Variants in DHX34 observed in about 807,000 individuals in gnomAD.
DHX34 encodes DExH-box helicase 34, also known as probable ATP-dependent RNA helicase DHX34.
In DHX34, 96 loss-of-function variants were observed where a neutral mutation model predicts 111.1. That is an observed-to-expected ratio of 0.86 (90% CI 0.73 to 1.02). DHX34 has a LOEUF of 1.02. Ranked by LOEUF, DHX34 falls within the 50% of genes least tolerant of loss-of-function variation. The pLI is 0.00. For synonymous variants in DHX34, 688 were observed against 670.4 expected (o/e 1.03, Z -0.41); for missense variants, 1,560 against 1,579.9 (o/e 0.99, Z 0.21).
At chr19:47,380,166 T>G (rs1393132393) in intron 14 of DHX34, among the ~76,000 whole-genome samples, 181 bp downstream of exon 14, 3 of 152,186 alleles carry the variant, frequency 2.0e-5, no homozygotes, top group Non-Finnish European at 4.4e-5. Context: ...GGAGCTAGGA[T>G]TTGATCCCAG....
At position 47,376,046 on chromosome 19, in the gene DHX34, A is replaced by G. The variant is rs2122346555; in HGVS notation, c.2430A>G (p.Pro810=). 2 of 1,595,092 alleles carry G rather than the reference A, an allele frequency of 1.3e-6. No homozygotes were observed. The highest frequency in any genetic ancestry group is 1.7e-6 in the Non-Finnish European group (2 of 1,171,024). ...LKLVLGRGLY[P]QLAVPDAFNS... Reference sequence around the variant, plus strand: ...TGGTGCTGGGCCGGGGCCTGTACCCACAGCTGGCCGTCCCCGACGCCTTCA... The same window carrying G: ...TGGTGCTGGGCCGGGGCCTGTACCCGCAGCTGGCCGTCCCCGACGCCTTCA... Residue 810 remains proline, a synonymous_variant, in exon 11 of 17, where the codon CCA becomes CCG. Transcript: ENST00000328771.
In DHX34 at chr19:47,362,687, G is replaced by A. The variant is rs778413774; in HGVS notation, c.1587G>A (p.Val529=). 1.2e-6 allele frequency: 2 copies of A among 1,611,298 alleles called. No homozygotes were observed. The highest frequency in any genetic ancestry group is 2.7e-5 in the African/African-American group (2 of 74,824). ...GGAGGGTGGCCCTGGACTCGTTGGT[G>A]CTGCAGGTGAGGCATGGGCAGAAAG... ...EIRRVALDSL[V]LQMKSMSVGD... is the part of the protein sequence containing the mutation. Residue 529 remains valine, a synonymous_variant, in exon 6 of 17, where the codon GTG becomes GTA. Coordinates refer to ENST00000328771, the MANE Select transcript of DHX34 (RefSeq NM_014681.6).
chr19:47,358,271 C>T (rs1599756535), intron 4 of DHX34, 151 bp downstream of exon 4: 3 of 1,415,982 alleles, frequency 2.1e-6, no homozygotes, highest in African/African-American at 1.4e-5. Flanking sequence ...AGGCTGCGAA[C>T]CCAGGTAGTC....
chr19:47,360,067 T>G lies in DHX34; in HGVS notation c.1372T>G (p.Ser458Ala). 6.2e-7 allele frequency: 1 copy of G among 1,613,970 alleles called. No homozygotes were observed. Among genetic ancestry groups the G allele is most frequent in the African/African-American group, 1.3e-5 (1 of 75,002 alleles). ...TIDGIRFVVD[S>A]GKVKEMSYDP... ...TGACGGGATCCGCTTCGTAGTAGAT[T>G]CCGGTAAGGACCACCATGAGCCCCT... The change falls in exon 5 of 17, where the codon TCC becomes GCC. Residue 458 changes from serine to alanine, a missense_variant. Ser to Ala is a moderately conservative substitution (Grantham distance 99, BLOSUM62 1). Coordinates refer to ENST00000328771, the MANE Select transcript of DHX34 (RefSeq NM_014681.6).
At chr19:47,368,639 TACACACACAC>T (rs533434183) in intron 7 of DHX34, among the ~76,000 whole-genome samples, 2,435 of 145,742 alleles carry the variant, frequency 0.017, 31 homozygotes, top group South Asian at 0.035. Flanking sequence ...TGTATATATA[TACACACACAC>T]ACACACACAC....
At position 47,379,869 on chromosome 19, in the gene DHX34, C is replaced by T. The variant is rs151213663; in HGVS notation, c.2866C>T (p.Arg956Trp). 4.9e-3 allele frequency: 7,868 copies of T among 1,613,534 alleles called. 25 individuals are homozygous for T. The highest frequency in any genetic ancestry group is 5.6e-3 in the Middle Eastern group (34 of 6,024). Residue 956 changes from arginine (R) to tryptophan (W), a missense_variant, in exon 14 of 17, where the codon CGG becomes TGG. Transcript: ENST00000328771. Reference sequence around the variant, plus strand: ...TGCCCGCTGGGAAAGTGCCCTGGACCGGCAGCTGGCGCACCAGGCCCAGCA... The same window carrying T: ...TGCCCGCTGGGAAAGTGCCCTGGACTGGCAGCTGGCGCACCAGGCCCAGCA... ...LRARWESALDRQLAHQAQQQL... is the reference protein window; with the variant it reads ...LRARWESALDWQLAHQAQQQL...
intron 12 of DHX34, chr19:47,376,813 C>T (rs1463846476): frequency 4.1e-5 from 62 of 1,518,300 alleles, no homozygotes; most frequent in South Asian, 2.5e-5. Flanking sequence ...GAGTGAGCAC[C>T]GGTCAGGGGG....
At chr19:47,361,606 C>G (rs1406886106) in intron 5 of DHX34, among the ~76,000 whole-genome samples, 7 of 151,914 alleles carry the variant, frequency 4.6e-5, no homozygotes, top group Non-Finnish European at 1.0e-4. Context: ...TGGTGAAACC[C>G]CATCTCTACT....
At chr19:47,377,859 G>A (rs973926161) in intron 13 of DHX34, among the ~76,000 whole-genome samples, 3 of 152,024 alleles carry the variant, frequency 2.0e-5, no homozygotes, top group East Asian at 3.9e-4. Flanking sequence ...TCAGATCATG[G>A]ATGCCCTTGC....
chr19:47,355,237 C>A lies in DHX34; in HGVS notation c.904C>A (p.Arg302=). The change falls in exon 3 of 17, where the codon CGG becomes AGG. Residue 302 remains arginine (R), a synonymous_variant. Coordinates refer to ENST00000328771, the MANE Select transcript of DHX34 (RefSeq NM_014681.6). ...CGTCCTCCAGCGCCTGTTGCCCACG[C>A]GGCCTGACCTCAAGGTCATCCTCAT... The part of the protein sequence containing the change: ...LGVLQRLLPT[R]PDLKVILMSA... 9 of 1,614,194 alleles carry A rather than the reference C, an allele frequency of 5.6e-6. No homozygotes were observed. Among genetic ancestry groups the A allele is most frequent in the Non-Finnish European group, 6.8e-6 (8 of 1,180,034 alleles).
rs199814292 is a variant in DHX34, at chr19:47,353,723, G to A, written c.693G>A (p.Gln231=). Residue 231 remains glutamine (Q), a synonymous_variant, in exon 2 of 17, where the codon CAG becomes CAA. Transcript: ENST00000328771. The surrounding 1 kb of genome is among the most constrained non-coding windows in gnomAD (Gnocchi z 4.6). ...GTGTGGGCTTTGAGAGCCTCAGTCA[G>A]TATGGCTCACAGGTGAGTGGGACGC... The part of the protein sequence containing the change: ...AKRVGFESLS[Q]YGSQVGYQIR... The A allele has an allele frequency of 1.3e-6, 2 of 1,593,614 alleles. No individual in the cohort carries two copies. The highest frequency in any genetic ancestry group is 1.7e-6 in the Non-Finnish European group (2 of 1,167,102).
chr19:47,357,050 A>G (rs1045510937), intron 3 of DHX34, among the ~76,000 whole-genome samples: 6 of 152,188 alleles, frequency 3.9e-5, no homozygotes, highest in Admixed American at 1.3e-4. Flanking sequence ...CTGGTCACGC[A>G]TACCTGAGCT....
intron 1 of DHX34, among the ~76,000 whole-genome samples, chr19:47,351,735 C>T (rs1207276627): frequency 6.6e-6 from 1 of 152,176 alleles, no homozygotes. Flanking sequence ...ATTGGCCCTT[C>T]TTGGATCATG....
rs372536674 is a variant in DHX34 at position 47,379,849 on chromosome 19, G to T, written c.2846G>T (p.Arg949Leu). ...GCGGCTTCCCTGCGGCTCCGTGCCCGCTGGGAAAGTGCCCTGGACCGGCAG... is the reference window on the plus strand; with the variant it reads ...GCGGCTTCCCTGCGGCTCCGTGCCCTCTGGGAAAGTGCCCTGGACCGGCAG... ...LLAASLRLRA[R>L]WESALDRQLA... The change falls in exon 14 of 17, where the codon CGC (arginine) becomes CTC (leucine). Residue 949 changes from arginine (R) to leucine (L), a missense_variant. Transcript: ENST00000328771. The T allele has an allele frequency of 1.2e-6, 2 of 1,613,748 alleles. No individual in the cohort carries two copies. Among genetic ancestry groups the T allele is most frequent in the Non-Finnish European group, 1.7e-6 (2 of 1,179,830 alleles).
At chr19:47,367,376 G>C (rs1969824311) in intron 7 of DHX34, among the ~76,000 whole-genome samples, 5 of 152,214 alleles carry the variant, frequency 3.3e-5, no homozygotes, top group African/African-American at 1.2e-4. Context: ...TGGTGAAGAA[G>C]ACCAGCAATA....
rs1969372521 is a variant in DHX34 at position 47,353,911 on chromosome 19, G to A, written c.705+176G>A. On this transcript the variant is annotated intron_variant, in intron 2 of 16. Coordinates refer to ENST00000328771, the MANE Select transcript of DHX34 (RefSeq NM_014681.6). The surrounding 1 kb of genome is among the most constrained non-coding windows in gnomAD (Gnocchi z 4.6). ...TGTGGTCTACATGACAAAGGAGCTAGCATTAACCAGTGTAGCACTTTAACA... is the reference window on the plus strand; with the variant it reads ...TGTGGTCTACATGACAAAGGAGCTAACATTAACCAGTGTAGCACTTTAACA... 6.6e-6 allele frequency among the ~76,000 whole-genome samples: 1 copy of A among 152,204 alleles called. No homozygotes were observed. The highest frequency in any genetic ancestry group is 1.5e-5 in the Non-Finnish European group (1 of 68,038).
rs376179727 is a variant in DHX34 at position 47,353,582 on chromosome 19, C to T, written c.552C>T (p.Ala184=). 53 of 1,612,990 alleles carry T rather than the reference C, an allele frequency of 3.3e-5. 1 individual carries two copies. The highest frequency in any genetic ancestry group is 4.2e-5 in the Non-Finnish European group (50 of 1,180,030). The part of the protein sequence containing the change: ...TLKEHQVVVV[A]GDTGCGKSTQ... ...AGGAGCACCAGGTGGTGGTAGTGGC[C>T]GGTGACACCGGCTGTGGCAAGTCCA... Residue 184 remains alanine (A), a synonymous_variant, in exon 2 of 17, where the codon GCC becomes GCT. Coordinates refer to ENST00000328771, the MANE Select transcript of DHX34 (RefSeq NM_014681.6). The surrounding 1 kb of genome is among the most constrained non-coding windows in gnomAD (Gnocchi z 4.6).
intron 7 of DHX34, among the ~76,000 whole-genome samples, chr19:47,367,645 T>C (rs1969832165): frequency 1.3e-5 from 2 of 152,028 alleles, no homozygotes; most frequent in Non-Finnish European, 2.9e-5. Context: ...ATCCCAGCAC[T>C]TTGGGAGGCT....
At chr19:47,373,062 G>A in intron 8 of DHX34, 139 bp downstream of exon 8, 1 of 1,164,612 alleles carries the variant, frequency 8.6e-7, no homozygotes, top group African/African-American at 1.6e-5. Flanking sequence ...GGGCCTGCCT[G>A]GGGAGGGCCA....
Sources: gnomAD v4.1 joint callset for allele counts (sites outside exome capture counted in the v4.1 genomes callset) on GRCh38, gnomAD v4.1.1 for gene constraint, Gnocchi (gnomAD v3.1) non-coding constraint, MANE v1.5 for transcripts, NCBI Gene and HGNC (gene_info 2026-07-23, HGNC 2026-07-21) for gene names.